The following ACOT11 variants were observed in gnomAD, a reference collection of about 807,000 sequenced individuals.
ACOT11 encodes acyl-CoA thioesterase 11, also known as acyl-coenzyme A thioesterase 11.
A neutral mutation model predicts 77.5 loss-of-function variants in ACOT11; 69 were observed. That is an observed-to-expected ratio of 0.89 (90% CI 0.73 to 1.09). The LOEUF is 1.09. ACOT11 is among the 50% of genes least tolerant of loss of function. The pLI is 0.00. For missense variants in ACOT11, 766 were observed against 813.7 expected (o/e 0.94, Z 0.71); for synonymous variants, 279 against 313.0 (o/e 0.89, Z 1.15).
intron 15 of ACOT11, among the ~76,000 whole-genome samples, chr1:54,616,479 TCTC>T (rs1271162523): frequency 6.6e-6 from 1 of 152,094 alleles, no homozygotes; most frequent in Non-Finnish European, 1.5e-5. Flanking sequence ...TTCTTGAAAT[TCTC>T]CTGCCTCAGC....
intron 3 of ACOT11, among the ~76,000 whole-genome samples, chr1:54,586,226 A>T: frequency 1.3e-5 from 2 of 152,168 alleles, no homozygotes; most frequent in East Asian, 3.9e-4. Context: ...TCTCATCTGC[A>T]GAATGGATGG....
intron 16 of ACOT11, among the ~76,000 whole-genome samples, chr1:54,633,726 T>C (rs1270472443): frequency 6.6e-6 from 1 of 152,204 alleles, no homozygotes; most frequent in Non-Finnish European, 1.5e-5. Context: ...CAAAAATTAC[T>C]AGGGGATATT....
intron 1 of ACOT11, among the ~76,000 whole-genome samples, chr1:54,567,382 G>A (rs532389460): frequency 1.3e-3 from 201 of 151,102 alleles, no homozygotes; most frequent in South Asian, 9.2e-3. Flanking sequence ...AGGTTCAAGC[G>A]ATTCTCCTGC....
intron 15 of ACOT11, among the ~76,000 whole-genome samples, chr1:54,629,292 T>A (rs1644287776): frequency 7.5e-6 from 1 of 132,838 alleles, no homozygotes; most frequent in South Asian, 2.5e-4. Flanking sequence ...TTTTCTTTTT[T>A]GTTTTTTGTT....
At chr1:54,587,310 C>T (rs1487461855) in intron 3 of ACOT11, among the ~76,000 whole-genome samples, 1 of 151,936 alleles carries the variant, frequency 6.6e-6, no homozygotes, top group Non-Finnish European at 1.5e-5. Flanking sequence ...GTCAGGAGTT[C>T]AAGACCAGCC....
chr1:54,610,178 G>C lies in ACOT11; in HGVS notation c.*1066G>C. On this transcript the variant is annotated 3_prime_UTR_variant, in exon 16 of 16. Coordinates refer to ENST00000343744, the MANE Select transcript of ACOT11 (RefSeq NM_147161.4). ...CCCATGACTCAGCCTGGGGGCTGGT[G>C]CCGGCCTTGCCTGCAGCAATGTAGC... 7.0e-7 allele frequency: 1 copy of C among 1,432,916 alleles called. No individual in the cohort carries two copies. Among genetic ancestry groups the C allele is most frequent in the Non-Finnish European group, 9.1e-7 (1 of 1,099,106 alleles). 88.8% of individuals were successfully genotyped at this position (1,432,916 alleles called of 1,614,324 possible). A position where few individuals can be genotyped will look rare whatever the true frequency, so the allele number is the denominator to read the frequency against.
intron 8 of ACOT11, among the ~76,000 whole-genome samples, chr1:54,600,319 T>A (rs989362098): frequency 6.6e-6 from 1 of 152,160 alleles, no homozygotes; most frequent in Non-Finnish European, 1.5e-5. Flanking sequence ...CTATATAATG[T>A]CCACACTCTG....
At chr1:54,616,293 A>AC in intron 15 of ACOT11, 1 of 824,974 alleles carries the variant, frequency 1.2e-6, no homozygotes, top group Non-Finnish European at 1.9e-6. Context: ...GAAGAGGAAA[A>AC]TATTCACCCA....
chr1:54,602,624 C>A, intron 9 of ACOT11, 45 bp from the exon 10 acceptor site: 1 of 1,461,180 alleles, frequency 6.8e-7, no homozygotes, highest in Admixed American at 2.7e-5. Context: ...GGGGGCAGGA[C>A]GGAGGGTGGG....
intron 1 of ACOT11, among the ~76,000 whole-genome samples, chr1:54,551,732 G>GTTTTGTTTTGT (rs1653075971): frequency 3.3e-5 from 5 of 149,810 alleles, no homozygotes; most frequent in East Asian, 1.9e-4. Flanking sequence ...TTTTTGTTTT[G>GTTTTGTTTTGT]TTTTGTTTTT....
At chr1:54,554,081 G>A (rs766987376) in intron 1 of ACOT11, among the ~76,000 whole-genome samples, 53 of 151,874 alleles carry the variant, frequency 3.5e-4, no homozygotes, top group Admixed American at 5.9e-4. Flanking sequence ...GCTGAGGTGG[G>A]AGGATGGCTT....
intron 9 of ACOT11, among the ~76,000 whole-genome samples, 170 bp downstream of exon 9, chr1:54,601,583 C>G (rs908429583): frequency 1.3e-5 from 2 of 152,170 alleles, no homozygotes; most frequent in Non-Finnish European, 2.9e-5. Context: ...CCTGGGATGC[C>G]CCTTGTGCAG....
chr1:54,593,904 T>G, intron 4 of ACOT11, 37 bp from the exon 5 acceptor site: 1 of 1,579,050 alleles, frequency 6.3e-7, no homozygotes, highest in Non-Finnish European at 8.7e-7. Context: ...AGTGCAATGT[T>G]GTTCCTCATT....
intron 1 of ACOT11, among the ~76,000 whole-genome samples, chr1:54,571,292 C>T (rs1287399549): frequency 6.6e-6 from 1 of 152,140 alleles, no homozygotes; most frequent in Non-Finnish European, 1.5e-5. Flanking sequence ...TCTTTCTCTT[C>T]ACCCTTCTGA....
At chr1:54,586,824 A>G (rs999551307) in intron 3 of ACOT11, among the ~76,000 whole-genome samples, 2 of 152,174 alleles carry the variant, frequency 1.3e-5, no homozygotes, top group Non-Finnish European at 2.9e-5. Flanking sequence ...AGCTTTGCCC[A>G]TAGATCCTGC....
At chr1:54,586,211 A>G (rs1267750235) in intron 3 of ACOT11, among the ~76,000 whole-genome samples, 3 of 152,088 alleles carry the variant, frequency 2.0e-5, no homozygotes, top group Non-Finnish European at 4.4e-5. Flanking sequence ...TCTGAGCCTC[A>G]GTTTTCTCAT....
intron 15 of ACOT11, among the ~76,000 whole-genome samples, chr1:54,618,054 C>T (rs1208300429): frequency 6.6e-6 from 1 of 151,618 alleles, no homozygotes; most frequent in Non-Finnish European, 1.5e-5. Flanking sequence ...AACACACTCC[C>T]CAGGGATGCG....
chr1:54,562,710 G>A (rs1177239474), intron 1 of ACOT11, among the ~76,000 whole-genome samples: 178 of 65,754 alleles, frequency 2.7e-3, no homozygotes, highest in Middle Eastern at 7.7e-3. Flanking sequence ...GGGCAGAGAC[G>A]CTCCTCACCT....
intron 9 of ACOT11, among the ~76,000 whole-genome samples, chr1:54,601,764 A>C (rs1643967159): frequency 6.6e-6 from 1 of 152,194 alleles, no homozygotes; most frequent in Non-Finnish European, 1.5e-5. Flanking sequence ...TCGAGCTTTC[A>C]GTCTCCATTT....
Sources: gnomAD v4.1 joint callset for allele counts (sites outside exome capture counted in the v4.1 genomes callset) on GRCh38, gnomAD v4.1.1 for gene constraint, MANE v1.5 for transcripts, NCBI Gene and HGNC (gene_info 2026-07-23, HGNC 2026-07-21) for gene names.